SHANK1: variants seen among roughly 807,000 people sequenced by gnomAD.
SHANK1 encodes SH3 and multiple ankyrin repeat domains protein 1.
A neutral mutation model predicts 165.6 loss-of-function variants in SHANK1; 35 were observed. The ratio of observed to expected loss-of-function variants is 0.21; its 90% CI spans 0.16 to 0.28. The LOEUF is 0.28. Ranked by LOEUF, SHANK1 falls within the 10% of genes least tolerant of loss-of-function variation. The pLI, the probability that SHANK1 is intolerant of heterozygous loss-of-function variation, is 1.00. For synonymous variants in SHANK1, 1,428 were observed against 1,384.8 expected (o/e 1.03, Z -0.69); for missense variants, 2,681 against 3,036.4 (o/e 0.88, Z 2.75).
rs1986513066 is a variant in SHANK1 at position 50,690,757 on chromosome 19, C to T, written c.1965-1478G>A. Among the ~76,000 whole-genome samples, 1 of 152,042 alleles carries T rather than the reference C, an allele frequency of 6.6e-6. No homozygotes were observed. Among genetic ancestry groups the T allele is most frequent in the Non-Finnish European group, 1.5e-5 (1 of 68,012 alleles). On this transcript the variant is annotated intron_variant, in intron 15 of 23. Coordinates refer to ENST00000293441, the MANE Select transcript of SHANK1 (RefSeq NM_016148.5). This position sits in a 1 kb window ranked among gnomAD's most constrained non-coding sequence, Gnocchi z 4.9. The stretch of plus-strand genomic sequence containing the variant: ...ACATCCCAGTATGTTCCAATAATAA[C>T]TCCCCCTCACTCGGATCTCAGTGTA...
chr19:50,681,821 G>C (rs969373284), intron 21 of SHANK1, among the ~76,000 whole-genome samples: 1 of 152,100 alleles, frequency 6.6e-6, no homozygotes, highest in Non-Finnish European at 1.5e-5. Flanking sequence ...GCCCAGGCTG[G>C]AGCTCAGTGG....
intron 3 of SHANK1, 22 bp from the exon 4 acceptor site, chr19:50,715,752 TGA>T: frequency 6.2e-7 from 1 of 1,606,804 alleles, no homozygotes; most frequent in South Asian, 1.1e-5. Flanking sequence ...GGTAGGGTAG[TGA>T]GAGAGACACA....
At chr19:50,674,502 G>C (rs1379875057) in intron 21 of SHANK1, among the ~76,000 whole-genome samples, 1 of 152,054 alleles carries the variant, frequency 6.6e-6, no homozygotes, top group Non-Finnish European at 1.5e-5. Flanking sequence ...TCTCACTTCC[G>C]AGACTCTGCA....
chr19:50,668,048 C>T lies in SHANK1; in HGVS notation c.3912G>A (p.Ala1304=). Reference sequence around the variant, plus strand: ...AGCCGCCGTAGCCCGCGCCGCTGCCCGCAGACTCCAGTCGGAGGTAGGGCT... The same window carrying T: ...AGCCGCCGTAGCCCGCGCCGCTGCCTGCAGACTCCAGTCGGAGGTAGGGCT... ...SAEPYLRLES[A]GSGAGYGGYG... is the part of the protein sequence containing the mutation. The change falls in exon 23 of 24, where the codon GCG becomes GCA. Residue 1304 remains alanine, a synonymous_variant. Coordinates refer to ENST00000293441, the MANE Select transcript of SHANK1 (RefSeq NM_016148.5). 1 of 1,479,370 alleles carries T rather than the reference C, an allele frequency of 6.8e-7. No individual in the cohort carries two copies. The highest frequency in any genetic ancestry group is 8.9e-7 in the Non-Finnish European group (1 of 1,120,406). The allele number at this position is 1,479,370 out of a possible 1,614,324, so 91.6% of individuals were successfully genotyped here.
In SHANK1 at chr19:50,660,727, G is replaced by T. The variant is rs1379984741; in HGVS notation, c.*1238C>A. 7.0e-6 allele frequency among the ~76,000 whole-genome samples: 1 copy of T among 143,330 alleles called. No individual in the cohort carries two copies. Among genetic ancestry groups the T allele is most frequent in the Non-Finnish European group, 1.5e-5 (1 of 65,746 alleles). The allele number at this position is 143,330 out of a possible 152,430, so 94.0% of individuals were successfully genotyped here. On this transcript the variant is annotated 3_prime_UTR_variant, in exon 24 of 24. Coordinates refer to ENST00000293441, the MANE Select transcript of SHANK1 (RefSeq NM_016148.5). ...CCGGAGAGCACTGAAAATGCTGGGG[G>T]GGGGGGCGCGTGTGCAAAAGCAAGT...
chr19:50,701,399 G>A (rs1986911540), intron 12 of SHANK1, among the ~76,000 whole-genome samples: 1 of 150,744 alleles, frequency 6.6e-6, no homozygotes, highest in Admixed American at 6.6e-5. Flanking sequence ...CACCATGTTG[G>A]CCAGGCTGGT....
rs776226410 is a variant in SHANK1, at chr19:50,716,857, C to T, written c.63G>A (p.Glu21=). 3.9e-6 allele frequency: 6 copies of T among 1,522,908 alleles called. No individual in the cohort carries two copies. In the South Asian group the frequency reaches 7.6e-5, roughly 19 times the overall value. 94.3% of individuals were successfully genotyped at this position (1,522,908 alleles called of 1,614,324 possible). The change falls in exon 2 of 24, where the codon GAG becomes GAA. Residue 21 remains glutamate (E), a synonymous_variant. Coordinates refer to ENST00000293441, the MANE Select transcript of SHANK1 (RefSeq NM_016148.5). This position sits in a 1 kb window ranked among gnomAD's most constrained non-coding sequence, Gnocchi z 8.4. ...GGGAGCTGTCGGACTCTGAGCCCCC[C>T]TCGGGACACTCGCTGGCACTGTGGC... The part of the protein sequence containing the change: ...EERHSASECP[E]GGSESDSSPD...
Position 50,702,611 on chromosome 19 carries a change from C to T in SHANK1, c.1603G>A (p.Gly535Arg). The change falls in exon 12 of 24, where the codon GGG (glycine) becomes AGG (arginine). Residue 535 changes from glycine to arginine, a missense_variant. Physicochemically the swap from Gly to Arg is moderately radical, Grantham distance 125 (BLOSUM62 -2). Transcript: ENST00000293441. The surrounding 1 kb of genome is among the most constrained non-coding windows in gnomAD (Gnocchi z 5.3). The stretch of plus-strand genomic sequence containing the variant: ...CTGCCCAGGGAGCCCCCGGGGCCCC[C>T]TGAGCCCCCCGTGCCCCCGGCTGGC... ...EGPAGGTGGS[G>R]GPGGSLGSRG... 1 of 1,593,282 alleles carries T rather than the reference C, an allele frequency of 6.3e-7. No individual in the cohort carries two copies. The highest frequency in any genetic ancestry group is 8.5e-7 in the Non-Finnish European group (1 of 1,170,492).
chr19:50,665,902 A>ATGGCTGTAATCCCAGCTACT (rs1985480662), intron 23 of SHANK1, among the ~76,000 whole-genome samples: 1 of 135,648 alleles, frequency 7.4e-6, no homozygotes, highest in Non-Finnish European at 1.6e-5. Context: ...GTGTGGTGGC[A>ATGGCTGTAATCCCAGCTACT]TGGGAGGCTG....
Position 50,659,659 on chromosome 19 carries a change from G to GT in SHANK1, c.*2305dup, listed in dbSNP as rs897314923. Among the ~76,000 whole-genome samples, 37 of 142,938 alleles carry GT rather than the reference G, an allele frequency of 2.6e-4. No individual in the cohort carries two copies. Among genetic ancestry groups the GT allele is most frequent in the African/African-American group, 8.3e-4 (32 of 38,568 alleles). 93.8% of individuals were successfully genotyped at this position (142,938 alleles called of 152,430 possible). On this transcript the variant is annotated 3_prime_UTR_variant, in exon 24 of 24. Transcript: ENST00000293441. ...TAGGGGTTTTGTGTTTTTTTTTTCTGTTTTTTATATTTTCTTCTTTTGTTA... is the reference window on the plus strand; with the variant it reads ...TAGGGGTTTTGTGTTTTTTTTTTCTGTTTTTTTATATTTTCTTCTTTTGTTA...
intron 23 of SHANK1, chr19:50,663,062 T>G: frequency 3.5e-6 from 1 of 284,806 alleles, no homozygotes; most frequent in Non-Finnish European, 6.7e-6. Context: ...TGCAGGTTAC[T>G]ATTATTATCA....
At position 50,667,987 on chromosome 19, in the gene SHANK1, C is replaced by T; in HGVS notation, c.3973G>A (p.Gly1325Ser). Residue 1325 changes from glycine to serine, a missense_variant, in exon 23 of 24, where the codon GGC (glycine) becomes AGC (serine). Coordinates refer to ENST00000293441, the MANE Select transcript of SHANK1 (RefSeq NM_016148.5). This position sits in a 1 kb window ranked among gnomAD's most constrained non-coding sequence, Gnocchi z 5.7. ...AGSRAYGGGG[G>S]SSAFTSFLPP... ...AGGAAGCTGGTGAAGGCGCTGCTGC[C>T]CCCGCCACCCCCGTAGGCTCGGCTA... The T allele has an allele frequency of 2.7e-6, 4 of 1,454,980 alleles. No individual in the cohort carries two copies. Among genetic ancestry groups the T allele is most frequent in the Non-Finnish European group, 2.7e-6 (3 of 1,108,736 alleles). The allele number at this position is 1,454,980 out of a possible 1,614,324, so 90.1% of individuals were successfully genotyped here. A position where few individuals can be genotyped will look rare whatever the true frequency, so the allele number is the denominator to read the frequency against.
chr19:50,689,147 T>G (rs772369866), intron 16 of SHANK1, 50 bp downstream of exon 16: 18 of 1,454,826 alleles, frequency 1.2e-5, no homozygotes, highest in Non-Finnish European at 1.5e-5. Flanking sequence ...TCAGCCCTGC[T>G]TCTGGGGTCA....
Position 50,662,398 on chromosome 19 carries a change from G to A in SHANK1, c.6053C>T (p.Ser2018Leu), listed in dbSNP as rs779699079. Residue 2018 changes from serine (S) to leucine (L), a missense_variant, in exon 24 of 24, where the codon TCG becomes TTG. Transcript: ENST00000293441. This position sits in a 1 kb window ranked among gnomAD's most constrained non-coding sequence, Gnocchi z 7.7. Reference sequence around the variant, plus strand: ...TCCGGAAGGCAGGATGGGCAGGGACGAGGGCCTGGGCGCAGGGCTGACCTT... The same window carrying A: ...TCCGGAAGGCAGGATGGGCAGGGACAAGGGCCTGGGCGCAGGGCTGACCTT... ...EHKVSPAPRP[S>L]SLPILPSGPL... 7.0e-6 allele frequency: 11 copies of A among 1,569,190 alleles called. No homozygotes were observed. Among genetic ancestry groups the A allele is most frequent in the South Asian group, 3.6e-5 (3 of 83,984 alleles).
At chr19:50,707,219 A>G (rs766570681) in intron 8 of SHANK1, among the ~76,000 whole-genome samples, 1 of 152,090 alleles carries the variant, frequency 6.6e-6, no homozygotes, top group Non-Finnish European at 1.5e-5. Flanking sequence ...CCTCTACACC[A>G]TAAGTTGTAC....
At position 50,669,250 on chromosome 19, in the gene SHANK1, G is replaced by C. The variant is rs767982284; in HGVS notation, c.2710C>G (p.Pro904Ala). The change falls in exon 23 of 24, where the codon CCA (proline) becomes GCA (alanine). Residue 904 changes from proline (P) to alanine (A), a missense_variant. Coordinates refer to ENST00000293441, the MANE Select transcript of SHANK1 (RefSeq NM_016148.5). The stretch of plus-strand genomic sequence containing the variant: ...AGGCTGCGGCTGAATTTCATGGCTG[G>C]GGGTGCTAGGTAAGGTCTGTCATCT... ...AEDDRPYLAP[P>A]AMKFSRSLSV... is the part of the protein sequence containing the mutation. 2 of 1,611,870 alleles carry C rather than the reference G, an allele frequency of 1.2e-6. No individual in the cohort carries two copies. The highest frequency in any genetic ancestry group is 2.2e-5 in the East Asian group (1 of 44,758).
intron 22 of SHANK1, 23 bp downstream of exon 22, chr19:50,671,995 A>G: frequency 6.3e-7 from 1 of 1,579,958 alleles, no homozygotes; most frequent in Admixed American, 1.7e-5. Flanking sequence ...CAGCCCCCAC[A>G]TCTCTTCTTC....
rs756355995 is a variant in SHANK1, at chr19:50,666,633, A to G, written c.5327T>C (p.Leu1776Pro). The change falls in exon 23 of 24, where the codon CTC becomes CCC. Residue 1776 changes from leucine (L) to proline (P), a missense_variant. Physicochemically the swap from Leu to Pro is moderately conservative, Grantham distance 98. This residue lies in a region of SHANK1 where 1,713 missense variants were observed against 1,630.2 expected (regional missense o/e 1.05). Transcript: ENST00000293441. ...GCTGGTGGGGGTAACAGGGTCTCGG[A>G]GTCCCCCGCTGGGGCCAGGCCGCAG... is the stretch of plus-strand genomic sequence containing the variant. Reference protein sequence around the residue: ...GGLRPGPSGGLRDPVTPTSPT... With the variant: ...GGLRPGPSGGPRDPVTPTSPT... 19 of 1,597,056 alleles carry G rather than the reference A, an allele frequency of 1.2e-5. No individual in the cohort carries two copies. The Admixed American group carries it at 2.9e-4, about 25-fold the overall frequency.
At chr19:50,692,647 T>G (rs1266977788) in intron 15 of SHANK1, among the ~76,000 whole-genome samples, 2 of 151,362 alleles carry the variant, frequency 1.3e-5, no homozygotes, top group East Asian at 3.9e-4. Flanking sequence ...GGTGTTGCCC[T>G]CATCCCACCA....
Sources: allele counts gnomAD v4.1 joint callset (sites outside exome capture counted in the v4.1 genomes callset), GRCh38; gene constraint gnomAD v4.1.1; regional missense constraint gnomAD v4.1.1; non-coding constraint Gnocchi (gnomAD v3.1); transcripts MANE v1.5; gene names NCBI Gene and HGNC (gene_info 2026-07-23, HGNC 2026-07-21).